Variants in VPS8 observed in about 807,000 individuals in gnomAD.
The protein encoded by VPS8 is VPS8 subunit of CORVET complex, also known as vacuolar protein sorting-associated protein 8 homolog.
In VPS8, 129 loss-of-function variants were observed where a neutral mutation model predicts 216.4. That is an observed-to-expected ratio of 0.60 (90% CI 0.52 to 0.69). The LOEUF (loss-of-function observed/expected upper bound fraction) is 0.69, where lower values mean the gene tolerates loss of function less well. VPS8 is among the 30% of genes least tolerant of loss of function. VPS8 has a pLI of 0.00. For synonymous variants in VPS8, 571 were observed against 565.4 expected, an observed-to-expected ratio of 1.01 and a Z score of -0.14; for missense variants, 1,531 against 1,683.5, an observed-to-expected ratio of 0.91 and a Z score of 1.59.
chr3:184,866,653 A>G (rs79016215), intron 16 of VPS8, among the ~76,000 whole-genome samples: 243 of 152,328 alleles, frequency 1.6e-3, no homozygotes, highest in African/African-American at 5.6e-3. Flanking sequence ...CAAAAATAGT[A>G]TGTAGCGCTG....
chr3:184,941,289 G>T (rs947575394), intron 36 of VPS8, among the ~76,000 whole-genome samples: 6 of 53,026 alleles, frequency 1.1e-4, no homozygotes, highest in African/African-American at 2.4e-4. Context: ...TTAGTCAAAC[G>T]AATATGTATG....
chr3:185,039,960 T>A (rs1374241544), intron 46 of VPS8, among the ~76,000 whole-genome samples: 1 of 152,140 alleles, frequency 6.6e-6, no homozygotes, highest in African/African-American at 2.4e-5. Flanking sequence ...AGAATTTCTG[T>A]TAGTCGTAGA....
At chr3:184,924,184 T>C (rs911097092) in intron 29 of VPS8, among the ~76,000 whole-genome samples, 1 of 152,212 alleles carries the variant, frequency 6.6e-6, no homozygotes, top group Non-Finnish European at 1.5e-5. Context: ...GCCGTTCACT[T>C]CATTGGTCTG....
At chr3:184,973,611 A>G (rs1379833854) in intron 40 of VPS8, among the ~76,000 whole-genome samples, 1 of 152,178 alleles carries the variant, frequency 6.6e-6, no homozygotes, top group Non-Finnish European at 1.5e-5. Flanking sequence ...GTTTACTATA[A>G]TCACCCTACT....
Position 184,870,753 on chromosome 3 carries a change from T to A in VPS8, c.1682T>A (p.Leu561Gln). ...EILFHYADRA[L>Q]KKCPDQGKIQ... ...CTATTCCATTATGCAGATCGAGCTC[T>A]GAAAAAGTGCCCAGACCAAGGAAAA... is the stretch of plus-strand genomic sequence containing the variant. The change falls in exon 21 of 48, where the codon CTG becomes CAG. Residue 561 changes from leucine (L) to glutamine (Q), a missense_variant. Leu to Gln is a moderately radical substitution (Grantham distance 113). Transcript: ENST00000625842. The A allele has an allele frequency of 6.2e-7, 1 of 1,612,668 alleles. No individual in the cohort carries two copies. Among genetic ancestry groups the A allele is most frequent in the Non-Finnish European group, 8.5e-7 (1 of 1,179,308 alleles).
chr3:185,018,662 CA>C (rs1458023277), intron 45 of VPS8, among the ~76,000 whole-genome samples: 1 of 152,230 alleles, frequency 6.6e-6, no homozygotes, highest in Non-Finnish European at 1.5e-5. Flanking sequence ...AGTCCCATTA[CA>C]AGAGGAGAAC....
chr3:185,007,191 C>CGG (rs1754383535), intron 45 of VPS8, among the ~76,000 whole-genome samples: 1 of 152,198 alleles, frequency 6.6e-6, no homozygotes, highest in African/African-American at 2.4e-5. Context: ...TTCCTCCTTC[C>CGG]CACAGGCTTA....
intron 46 of VPS8, among the ~76,000 whole-genome samples, chr3:185,045,971 T>C (rs1489377328): frequency 6.6e-6 from 1 of 152,218 alleles, no homozygotes; most frequent in Non-Finnish European, 1.5e-5. Context: ...GGATTTCCTT[T>C]AATGCTGAGT....
At position 184,826,144 on chromosome 3, in the gene VPS8, A is replaced by AT. The variant is rs57341716; in HGVS notation, c.154-11dup. 68 of 1,578,410 alleles carry AT rather than the reference A, an allele frequency of 4.3e-5. No individual in the cohort carries two copies. The highest frequency in any genetic ancestry group is 2.0e-4 in the East Asian group (9 of 44,394). Reference sequence around the variant, plus strand: ...AGAAAGGCATCATTTTGTGAGCACTATTTTTTTTCTTTATTTAGATTGATG... The same window carrying AT: ...AGAAAGGCATCATTTTGTGAGCACTATTTTTTTTTCTTTATTTAGATTGATG... On this transcript the variant is annotated intron_variant, in intron 2 of 47. Coordinates refer to ENST00000625842, the MANE Select transcript of VPS8 (RefSeq NM_001009921.3).
intron 10 of VPS8, among the ~76,000 whole-genome samples, chr3:184,851,396 C>T (rs192199072): frequency 1.5e-4 from 23 of 152,178 alleles, no homozygotes; most frequent in Admixed American, 5.2e-4. Flanking sequence ...TACTCCTACA[C>T]GTTGTTCTCC....
At chr3:184,975,955 C>T (rs146457845) in intron 40 of VPS8, among the ~76,000 whole-genome samples, 3 of 152,224 alleles carry the variant, frequency 2.0e-5, no homozygotes, top group African/African-American at 4.8e-5. Context: ...GGGTGCCAAC[C>T]CCCTTGCAGT....
At chr3:184,895,013 C>T in intron 23 of VPS8, 88 bp downstream of exon 23, 2 of 1,093,654 alleles carry the variant, frequency 1.8e-6, no homozygotes, top group South Asian at 1.7e-5. Flanking sequence ...CCTGACCCTG[C>T]CTTCTAAGAA....
chr3:184,928,468 G>C lies in VPS8; in HGVS notation c.2649G>C (p.Leu883=), dbSNP rs371760436. The change falls in exon 32 of 48, where the codon CTG becomes CTC. Residue 883 remains leucine (L), a synonymous_variant. Coordinates refer to ENST00000625842, the MANE Select transcript of VPS8 (RefSeq NM_001009921.3). The stretch of plus-strand genomic sequence containing the variant: ...ATACTCAGGTCCTTTTAGAATTGCT[G>C]CAGGCTGGAGGCATAGTTCAATTTG... ...SERQQVLLEL[L]QAGGIVQFEE... 1 of 1,532,892 alleles carries C rather than the reference G, an allele frequency of 6.5e-7. No individual in the cohort carries two copies. Among genetic ancestry groups the C allele is most frequent in the Non-Finnish European group, 8.7e-7 (1 of 1,152,336 alleles). 95.0% of individuals were successfully genotyped at this position (1,532,892 alleles called of 1,614,324 possible). A position where few individuals can be genotyped will look rare whatever the true frequency, so the allele number is the denominator to read the frequency against.
intron 1 of VPS8, among the ~76,000 whole-genome samples, chr3:184,815,621 G>A (rs571453697): frequency 6.6e-6 from 1 of 152,218 alleles, no homozygotes; most frequent in South Asian, 2.1e-4. Flanking sequence ...TAGGACCCAA[G>A]AATGTGATGT....
chr3:184,870,868 G>A lies in VPS8; in HGVS notation c.1734+63G>A, dbSNP rs922023091. 2.9e-6 allele frequency: 4 copies of A among 1,373,746 alleles called. No individual in the cohort carries two copies. The African/African-American group carries it at 5.8e-5, about 20-fold the overall frequency. 85.1% of individuals were successfully genotyped at this position (1,373,746 alleles called of 1,614,324 possible). A position where few individuals can be genotyped will look rare whatever the true frequency, so the allele number is the denominator to read the frequency against. On this transcript the variant is annotated intron_variant, in intron 21 of 47. Transcript: ENST00000625842. ...GATAGGTCTAATACTCCTCTTTTAT[G>A]TTACTTGAGAATGTGACTTTCATTT...
chr3:184,913,315 G>A (rs9821657), intron 25 of VPS8, among the ~76,000 whole-genome samples: 118,524 of 152,098 alleles, frequency 0.78, 47,170 homozygotes, highest in African/African-American at 0.89. Context: ...TCTATCTTAG[G>A]GTAGCTTATA....
At chr3:184,842,690 G>A (rs1355428516) in intron 7 of VPS8, among the ~76,000 whole-genome samples, 1 of 152,164 alleles carries the variant, frequency 6.6e-6, no homozygotes. Context: ...AGGAGAAAGT[G>A]TAGCAAGAAG....
chr3:184,893,243 T>C, intron 22 of VPS8: 1 of 1,282,576 alleles, frequency 7.8e-7, no homozygotes, highest in Non-Finnish European at 1.0e-6. Context: ...GGACTTCAGA[T>C]GAGTCAAAAC....
intron 35 of VPS8, among the ~76,000 whole-genome samples, chr3:184,939,674 T>C (rs1191123573): frequency 6.6e-6 from 1 of 152,202 alleles, no homozygotes; most frequent in East Asian, 1.9e-4. Flanking sequence ...GCATGTTGAT[T>C]GCTAACATGT....
Sources: gnomAD v4.1 joint callset for allele counts (sites outside exome capture counted in the v4.1 genomes callset) on GRCh38, gnomAD v4.1.1 for gene constraint, MANE v1.5 for transcripts, NCBI Gene and HGNC (gene_info 2026-07-23, HGNC 2026-07-21) for gene names.